Variants in KCNAB2 observed in about 807,000 individuals in gnomAD.
The protein encoded by KCNAB2 is voltage-gated potassium channel subunit beta-2.
In KCNAB2, 29 loss-of-function variants were observed where a neutral mutation model predicts 63.6. That is an observed-to-expected ratio of 0.46 (90% CI 0.34 to 0.62). The LOEUF (loss-of-function observed/expected upper bound fraction) is 0.62, where lower values mean the gene tolerates loss of function less well. Among genes scored for constraint, KCNAB2 ranks in the 20% least tolerant of loss-of-function variants. The pLI, the probability that KCNAB2 is intolerant of heterozygous loss-of-function variation, is 0.01. For synonymous variants in KCNAB2, 222 were observed against 224.2 expected, an observed-to-expected ratio of 0.99 and a Z score of 0.09; for missense variants, 359 against 563.9, an observed-to-expected ratio of 0.64 and a Z score of 3.68.
chr1:6,001,143 C>T lies in KCNAB2; in HGVS notation c.-53+8355C>T, dbSNP rs184715272. ...AGGCCGGAACATCTTTCACGGAGGC[C>T]TCCTGCTTCCTCTGTGCTGCTGAGC... On this transcript the variant is annotated intron_variant, in intron 1 of 16. Transcript: ENST00000341524. 2.6e-4 allele frequency among the ~76,000 whole-genome samples: 40 copies of T among 152,254 alleles called. No individual in the cohort carries two copies. In the East Asian group the frequency reaches 3.5e-3, roughly 13 times the overall value.
intron 1 of KCNAB2, among the ~76,000 whole-genome samples, chr1:6,008,518 G>A (rs965435114): frequency 3.3e-5 from 5 of 152,084 alleles, no homozygotes; most frequent in Non-Finnish European, 7.4e-5. Flanking sequence ...CTACTCGGGA[G>A]GCTGAAGCAA....
intron 1 of KCNAB2, among the ~76,000 whole-genome samples, chr1:6,039,782 C>T (rs1420290543): frequency 1.3e-5 from 2 of 152,220 alleles, no homozygotes; most frequent in African/African-American, 2.4e-5. Context: ...CTCAGCTTCT[C>T]GCCAGCTGTC....
intron 1 of KCNAB2, among the ~76,000 whole-genome samples, chr1:6,037,338 C>T (rs1215401985): frequency 6.6e-6 from 1 of 152,252 alleles, no homozygotes; most frequent in Admixed American, 6.5e-5. Context: ...GGCATCCCAG[C>T]CCCCATCCCC....
At chr1:6,040,348 G>A (rs576130725) in intron 1 of KCNAB2, among the ~76,000 whole-genome samples, 61 of 152,244 alleles carry the variant, frequency 4.0e-4, no homozygotes, top group African/African-American at 1.4e-3. Context: ...CCTGCCTGCC[G>A]TGTGTCTGTC....
chr1:6,051,976 C>T (rs1316549030), intron 2 of KCNAB2, among the ~76,000 whole-genome samples: 1 of 152,118 alleles, frequency 6.6e-6, no homozygotes, highest in African/African-American at 2.4e-5. Context: ...GTGGGGCGCA[C>T]CTGTAGTCCC....
intron 2 of KCNAB2, among the ~76,000 whole-genome samples, chr1:6,063,930 C>T (rs192992028): frequency 6.6e-4 from 101 of 152,218 alleles, no homozygotes; most frequent in African/African-American, 1.2e-3. Context: ...GTGGTGAGGC[C>T]GATGACATTT....
At position 6,087,552 on chromosome 1, in the gene KCNAB2, C is replaced by T. The variant is rs756322136; in HGVS notation, c.470+41C>T. 6.2e-7 allele frequency: 1 copy of T among 1,605,774 alleles called. No individual in the cohort carries two copies. Among genetic ancestry groups the T allele is most frequent in the Admixed American group, 1.7e-5 (1 of 59,980 alleles). On this transcript the variant is annotated intron_variant, in intron 7 of 15. Transcript: ENST00000378083. This position sits in a 1 kb window ranked among gnomAD's most constrained non-coding sequence, Gnocchi z 6.4. ...GGCGATGCTTCCAGCCCCGGCCCAG[C>T]AGCCACGGCCCCGTGCTCCCCAGAG... is the stretch of plus-strand genomic sequence containing the variant.
rs1663879769 is a variant in KCNAB2, at chr1:6,078,439, G to A, written c.301-3756G>A. ...GCAGAGAAGAAAGTAGAAAAAGGAG[G>A]GCAGGGGGGCGGGGGTCCTGACGAC... On this transcript the variant is annotated intron_variant, in intron 4 of 15. Transcript: ENST00000378083. This position sits in a 1 kb window ranked among gnomAD's most constrained non-coding sequence, Gnocchi z 4.2. Among the ~76,000 whole-genome samples, 2 of 152,122 alleles carry A rather than the reference G, an allele frequency of 1.3e-5. No homozygotes were observed. Among genetic ancestry groups the A allele is most frequent in the South Asian group, 2.1e-4 (1 of 4,826 alleles).
chr1:6,008,555 G>T (rs1657960507), intron 1 of KCNAB2, among the ~76,000 whole-genome samples: 1 of 151,866 alleles, frequency 6.6e-6, no homozygotes, highest in African/African-American at 2.4e-5. Flanking sequence ...CGGGTGGCGT[G>T]GTGGAAGTTG....
chr1:5,992,676 G>C (rs572717830), upstream of KCNAB2: 1 of 152,504 alleles, frequency 6.6e-6, no homozygotes, highest in South Asian at 2.1e-4. Flanking sequence ...AGGTGAAGAT[G>C]CTGCTGGCGG....
At chr1:6,088,646 G>A (rs916321487) in intron 7 of KCNAB2, among the ~76,000 whole-genome samples, 1 of 151,920 alleles carries the variant, frequency 6.6e-6, no homozygotes, top group Non-Finnish European at 1.5e-5. Flanking sequence ...GCCTCCCAAA[G>A]TGCTGGGATT....
At chr1:6,041,776 C>T (rs539858926), upstream of KCNAB2, 2 of 1,501,616 alleles carry the variant, frequency 1.3e-6, no homozygotes, top group East Asian at 4.5e-5. Context: ...CAACTGTGGA[C>T]TCTCTCTCTT....
chr1:6,086,308 A>T lies in KCNAB2; in HGVS notation c.425+1060A>T. On this transcript the variant is annotated intron_variant, in intron 6 of 15. Transcript: ENST00000378083. This position sits in a 1 kb window ranked among gnomAD's most constrained non-coding sequence, Gnocchi z 4.2. ...GTCCCATCAAATTTGTTTTTTGGCAACTCTGATCCCAAAACAAATTCCTCC... is the reference window on the plus strand; with the variant it reads ...GTCCCATCAAATTTGTTTTTTGGCATCTCTGATCCCAAAACAAATTCCTCC... 3.0e-6 allele frequency: 3 copies of T among 984,664 alleles called. No homozygotes were observed. Among genetic ancestry groups the T allele is most frequent in the Non-Finnish European group, 3.6e-6 (3 of 829,732 alleles). 61.0% of individuals were successfully genotyped at this position (984,664 alleles called of 1,614,324 possible).
rs1185875761 is a variant in KCNAB2 at position 6,003,513 on chromosome 1, C to A, written c.-53+10725C>A. Among the ~76,000 whole-genome samples the A allele has an allele frequency of 6.6e-6, 1 of 152,238 alleles. No homozygotes were observed. The highest frequency in any genetic ancestry group is 1.9e-4 in the East Asian group (1 of 5,206). On this transcript the variant is annotated intron_variant, in intron 1 of 16. Transcript: ENST00000341524. The surrounding 1 kb of genome is among the most constrained non-coding windows in gnomAD (Gnocchi z 4.1). Reference sequence around the variant, plus strand: ...CACTGAGTGGCCACATTATACCCTCCCGTTTGTCTATAGTTCACTTAAACA... The same window carrying A: ...CACTGAGTGGCCACATTATACCCTCACGTTTGTCTATAGTTCACTTAAACA...
chr1:6,004,900 G>A (rs1034690721), intron 1 of KCNAB2, among the ~76,000 whole-genome samples: 15 of 151,928 alleles, frequency 9.9e-5, no homozygotes, highest in South Asian at 6.2e-4. Flanking sequence ...CCTTCCCTCT[G>A]TAGGGATTGC....
At chr1:6,085,116 G>T (rs994326370) in intron 5 of KCNAB2, 88 bp from the exon 6 acceptor site, 8 of 1,376,282 alleles carry the variant, frequency 5.8e-6, no homozygotes, top group South Asian at 2.3e-5. Flanking sequence ...CATTTTCACA[G>T]AGGGAACCAA....
chr1:6,033,846 C>G (rs554213200), upstream of KCNAB2, among the ~76,000 whole-genome samples: 5 of 152,300 alleles, frequency 3.3e-5, no homozygotes, highest in African/African-American at 9.6e-5. Context: ...GTTGGGCAGG[C>G]CTTTCTAAAT....
chr1:6,080,221 G>T lies in KCNAB2; in HGVS notation c.301-1974G>T, dbSNP rs778376449. Reference sequence around the variant, plus strand: ...TCTCTCCTCCTGGGCCTGGATGTGGGAGGCATCTGGGAAAAGTCAGGAGGA... The same window carrying T: ...TCTCTCCTCCTGGGCCTGGATGTGGTAGGCATCTGGGAAAAGTCAGGAGGA... On this transcript the variant is annotated intron_variant, in intron 4 of 15. Transcript: ENST00000378083. Among the ~76,000 whole-genome samples, 108 of 152,220 alleles carry T rather than the reference G, an allele frequency of 7.1e-4. 1 individual carries two copies. Among genetic ancestry groups the T allele is most frequent in the Non-Finnish European group, 1.2e-3 (79 of 68,040 alleles).
chr1:6,081,293 G>T (rs1664189235), intron 4 of KCNAB2, among the ~76,000 whole-genome samples: 1 of 152,262 alleles, frequency 6.6e-6, no homozygotes, highest in Non-Finnish European at 1.5e-5. Context: ...AGGCCAGAAT[G>T]GATGTCACCC....
Sources: allele counts gnomAD v4.1 joint callset (sites outside exome capture counted in the v4.1 genomes callset), GRCh38; gene constraint gnomAD v4.1.1; non-coding constraint Gnocchi (gnomAD v3.1); transcripts MANE v1.5; gene names NCBI Gene and HGNC (gene_info 2026-07-23, HGNC 2026-07-21).